UBE2J2: variants seen among roughly 807,000 people sequenced by gnomAD.
UBE2J2 encodes the protein ubiquitin conjugating enzyme E2 J2.
A neutral mutation model predicts 28.6 loss-of-function variants in UBE2J2; 5 were observed. That is an observed-to-expected ratio of 0.17 (90% CI 0.09 to 0.37). The LOEUF (loss-of-function observed/expected upper bound fraction) is 0.37, where lower values mean the gene tolerates loss of function less well. Ranked by LOEUF, UBE2J2 falls within the 10% of genes least tolerant of loss-of-function variation. The pLI, the probability that UBE2J2 is intolerant of heterozygous loss-of-function variation, is 1.00. For synonymous variants in UBE2J2, 138 were observed against 139.7 expected (o/e 0.99, Z 0.09); for missense variants, 226 against 338.9 (o/e 0.67, Z 2.62).
At chr1:1,265,068 C>T (rs1639770564) in intron 2 of UBE2J2, among the ~76,000 whole-genome samples, 1 of 152,186 alleles carries the variant, frequency 6.6e-6, no homozygotes, top group Admixed American at 6.5e-5. Flanking sequence ...GGAATGTGGC[C>T]TTACGTTGTT....
chr1:1,265,352 C>CTGGTATTT (rs530094356), intron 2 of UBE2J2, among the ~76,000 whole-genome samples: 2 of 152,346 alleles, frequency 1.3e-5, no homozygotes, highest in East Asian at 1.9e-4. Context: ...TCCTGGAAGT[C>CTGGTATTT]TGGTATTTTG....
chr1:1,256,961 C>T (rs765799694), intron 5 of UBE2J2, 31 bp downstream of exon 5: 22 of 1,448,362 alleles, frequency 1.5e-5, no homozygotes, highest in African/African-American at 4.4e-5. Context: ...ACAAGGCTGA[C>T]GGCCCACCAG....
intron 1 of UBE2J2, among the ~76,000 whole-genome samples, chr1:1,269,151 C>T (rs111549720): frequency 2.0e-4 from 29 of 145,248 alleles, no homozygotes; most frequent in South Asian, 1.1e-3. Context: ...CAGCCACACC[C>T]GAGACTGGGG....
At chr1:1,272,687 C>T (rs1450500878) in intron 1 of UBE2J2, among the ~76,000 whole-genome samples, 1 of 152,068 alleles carries the variant, frequency 6.6e-6, no homozygotes, top group African/African-American at 2.4e-5. Context: ...AAGCACTCAC[C>T]TACCTGCCTG....
At chr1:1,271,036 C>G (rs1034011816) in intron 1 of UBE2J2, among the ~76,000 whole-genome samples, 4 of 152,242 alleles carry the variant, frequency 2.6e-5, no homozygotes, top group African/African-American at 9.6e-5. Context: ...CCTGATTTCC[C>G]TGCCAAATGC....
chr1:1,271,096 G>A (rs577251232), intron 1 of UBE2J2, among the ~76,000 whole-genome samples: 4 of 152,302 alleles, frequency 2.6e-5, no homozygotes, highest in Non-Finnish European at 4.4e-5. Context: ...CACACACAAC[G>A]CAGGGCCCTT....
intron 5 of UBE2J2, chr1:1,256,359 C>G (rs755384860): frequency 2.2e-6 from 1 of 447,156 alleles, no homozygotes; most frequent in Non-Finnish European, 4.0e-6. Context: ...AACAAGCCAC[C>G]AAAGCACCGG....
At position 1,268,418 on chromosome 1, in the gene UBE2J2, G is replaced by A. The variant is rs1427520804; in HGVS notation, c.1-426C>T. Among the ~76,000 whole-genome samples, 1 of 152,124 alleles carries A rather than the reference G, an allele frequency of 6.6e-6. No homozygotes were observed. The highest frequency in any genetic ancestry group is 1.5e-5 in the Non-Finnish European group (1 of 68,022). On this transcript the variant is annotated intron_variant, in intron 1 of 6. Coordinates refer to ENST00000349431, the MANE Select transcript of UBE2J2 (RefSeq NM_058167.3). The surrounding 1 kb of genome is among the most constrained non-coding windows in gnomAD (Gnocchi z 4.7). Reference sequence around the variant, plus strand: ...AGAATCCACACCATAGAAGTGGGCAGGCACCACCGCCGGCCCCTTCACCGC... The same window carrying A: ...AGAATCCACACCATAGAAGTGGGCAAGCACCACCGCCGGCCCCTTCACCGC...
At chr1:1,255,940 T>C (rs1331926214) in intron 6 of UBE2J2, 105 bp downstream of exon 6, 3 of 854,608 alleles carry the variant, frequency 3.5e-6, no homozygotes, top group Non-Finnish European at 5.8e-6. Context: ...AGCCATCCCC[T>C]GGGGAGGTCT....
chr1:1,264,556 G>C (rs1215723155), intron 2 of UBE2J2, among the ~76,000 whole-genome samples: 1 of 152,184 alleles, frequency 6.6e-6, no homozygotes, highest in African/African-American at 2.4e-5. Flanking sequence ...TAGATCACCT[G>C]AAGTCAGGAA....
At chr1:1,271,121 G>A (rs973598755) in intron 1 of UBE2J2, among the ~76,000 whole-genome samples, 1 of 152,224 alleles carries the variant, frequency 6.6e-6, no homozygotes, top group Admixed American at 6.5e-5. Flanking sequence ...GCCCCAGCGG[G>A]TTCCTCTGCC....
chr1:1,265,603 T>TTGTGTGTGTG (rs57125925), intron 2 of UBE2J2, among the ~76,000 whole-genome samples: 2,860 of 120,920 alleles, frequency 0.024, 57 homozygotes, highest in East Asian at 0.033. Context: ...TTTCTCTCCA[T>TTGTGTGTGTG]TGTGTGTGTG....
rs376707325 is a variant in UBE2J2 at position 1,267,986 on chromosome 1, T to C, written c.7A>G (p.Ser3Gly). Residue 3 changes from serine (S) to glycine (G), a missense_variant, in exon 2 of 7, where the codon AGC (serine) becomes GGC (glycine). By Grantham distance (56) the Ser-to-Gly change is moderately conservative. Coordinates refer to ENST00000349431, the MANE Select transcript of UBE2J2 (RefSeq NM_058167.3). Reference sequence around the variant, plus strand: ...GTCGGAGCCCTCTTACTGCTGGTGCTGCTCATCTGTTAAAAGCAACGTCTA... The same window carrying C: ...GTCGGAGCCCTCTTACTGCTGGTGCCGCTCATCTGTTAAAAGCAACGTCTA... MSSTSSKRAPTTA... is the reference protein window; with the variant it reads MSGTSSKRAPTTA... 4 of 1,613,816 alleles carry C rather than the reference T, an allele frequency of 2.5e-6. No homozygotes were observed. The African/African-American group carries it at 5.3e-5, about 22-fold the overall frequency.
At chr1:1,265,847 C>A (rs1639829109) in intron 2 of UBE2J2, among the ~76,000 whole-genome samples, 1 of 152,076 alleles carries the variant, frequency 6.6e-6, no homozygotes, top group African/African-American at 2.4e-5. Flanking sequence ...GTTGGCCAGG[C>A]TGGTCTCAAT....
chr1:1,261,446 C>G (rs931691679), intron 3 of UBE2J2, among the ~76,000 whole-genome samples: 8 of 152,224 alleles, frequency 5.3e-5, no homozygotes, highest in African/African-American at 1.7e-4. Flanking sequence ...GGGGCTGCCC[C>G]CTCTTCTCCC....
chr1:1,269,307 C>A (rs1640033071), intron 1 of UBE2J2, among the ~76,000 whole-genome samples: 1 of 143,726 alleles, frequency 7.0e-6, no homozygotes, highest in African/African-American at 2.6e-5. Flanking sequence ...CTCAGCCACA[C>A]CCGAGACTGG....
chr1:1,266,705 T>G (rs987849601), intron 2 of UBE2J2, among the ~76,000 whole-genome samples: 2 of 151,264 alleles, frequency 1.3e-5, no homozygotes, highest in Non-Finnish European at 2.9e-5. Context: ...CAGGCGCCTG[T>G]AGTCCCAGCT....
chr1:1,262,592 CAGCCACCTGA>C (rs1461453362), intron 3 of UBE2J2, among the ~76,000 whole-genome samples: 7 of 152,234 alleles, frequency 4.6e-5, no homozygotes, highest in Non-Finnish European at 1.0e-4. Context: ...CCTGCTGCTC[CAGCCACCTGA>C]AGCCGGGGCC....
In UBE2J2 at chr1:1,268,354, C is replaced by T. The variant is rs918214269; in HGVS notation, c.1-362G>A. ...AGACCAGCTCCTGAGGGCAGCTACT[C>T]GCACCTTCCAACTCAGCTCAAGGAC... On this transcript the variant is annotated intron_variant, in intron 1 of 6. Coordinates refer to ENST00000349431, the MANE Select transcript of UBE2J2 (RefSeq NM_058167.3). The surrounding 1 kb of genome is among the most constrained non-coding windows in gnomAD (Gnocchi z 4.7). Among the ~76,000 whole-genome samples the T allele has an allele frequency of 1.3e-5, 2 of 152,114 alleles. No homozygotes were observed. The highest frequency in any genetic ancestry group is 4.8e-5 in the African/African-American group (2 of 41,400).
Sources: allele counts gnomAD v4.1 joint callset (sites outside exome capture counted in the v4.1 genomes callset), GRCh38; gene constraint gnomAD v4.1.1; non-coding constraint Gnocchi (gnomAD v3.1); transcripts MANE v1.5; gene names NCBI Gene and HGNC (gene_info 2026-07-23, HGNC 2026-07-21).